The following SLC38A11 variants were observed in gnomAD, a reference collection of about 807,000 sequenced individuals.
The protein encoded by SLC38A11 is solute carrier family 38 member 11.
In SLC38A11, 51 loss-of-function variants were observed where a neutral mutation model predicts 49.4. The ratio of observed to expected loss-of-function variants is 1.03; its 90% CI spans 0.83 to 1.30. SLC38A11 has a LOEUF of 1.30. Ranked by LOEUF, SLC38A11 falls within the 50% of genes most tolerant of loss-of-function variation. SLC38A11 has a pLI of 0.00. For synonymous variants in SLC38A11, 203 were observed against 192.9 expected (o/e 1.05, Z -0.43); for missense variants, 574 against 556.2 (o/e 1.03, Z -0.32).
At chr2:164,952,838 A>G (rs2105523328) in intron 2 of SLC38A11, 57 bp from the exon 3 acceptor site, 1 of 1,301,414 alleles carries the variant, frequency 7.7e-7, no homozygotes, top group East Asian at 2.3e-5. Flanking sequence ...AGAAACACAG[A>G]AATTCCCCCC....
At chr2:164,920,142 C>T (rs373755277) in intron 7 of SLC38A11, among the ~76,000 whole-genome samples, 7 of 151,848 alleles carry the variant, frequency 4.6e-5, no homozygotes, top group South Asian at 4.2e-4. Context: ...GGTGTGGTGG[C>T]GTGGGCCTGT....
chr2:164,915,148 T>A lies in SLC38A11; in HGVS notation c.814A>T (p.Thr272Ser). The part of the protein sequence containing the change: ...ISVFICIFFA[T>S]CGYLTFTGFT... ...CCAGTAAATGTCAAGTATCCACATG[T>A]AGCAAAGAATATACAGATAAATACA... Residue 272 changes from threonine (T) to serine (S), a missense_variant, in exon 9 of 12, where the codon ACA becomes TCA. Transcript: ENST00000685975. The A allele has an allele frequency of 6.2e-7, 1 of 1,610,174 alleles. No homozygotes were observed. Among genetic ancestry groups the A allele is most frequent in the East Asian group, 2.2e-5 (1 of 44,804 alleles).
At chr2:164,919,075 G>T (rs748241376) in intron 7 of SLC38A11, among the ~76,000 whole-genome samples, 1 of 152,078 alleles carries the variant, frequency 6.6e-6, no homozygotes, top group African/African-American at 2.4e-5. Flanking sequence ...GATGGTTCAC[G>T]CCTGAAATCC....
At chr2:164,928,511 G>A (rs553239232) in intron 7 of SLC38A11, among the ~76,000 whole-genome samples, 42 of 152,120 alleles carry the variant, frequency 2.8e-4, no homozygotes, top group Admixed American at 5.2e-4. Context: ...CTGAGTAATG[G>A]GTATATAGTG....
chr2:164,931,881 A>T (rs1687030243), intron 7 of SLC38A11, among the ~76,000 whole-genome samples: 1 of 152,184 alleles, frequency 6.6e-6, no homozygotes, highest in Admixed American at 6.5e-5. Flanking sequence ...TTCATGACGA[A>T]AATGCCAAAG....
At position 164,897,509 on chromosome 2, in the gene SLC38A11, A is replaced by C. The variant is rs1176380003; in HGVS notation, c.*928T>G. Reference sequence around the variant, plus strand: ...TCCCCTCTCTCCCATTAGTTATGATAAACTCCATCTCACTATCTGCTCCCA... The same window carrying C: ...TCCCCTCTCTCCCATTAGTTATGATCAACTCCATCTCACTATCTGCTCCCA... On this transcript the variant is annotated 3_prime_UTR_variant, in exon 12 of 12. Coordinates refer to ENST00000685975, the MANE Select transcript of SLC38A11 (RefSeq NM_001351537.2). 2 of 152,186 alleles carry C rather than the reference A, an allele frequency of 1.3e-5. No individual in the cohort carries two copies. The highest frequency in any genetic ancestry group is 4.8e-5 in the African/African-American group (2 of 41,404). The allele number at this position is 152,186 out of a possible 1,614,324, so 9.4% of individuals were successfully genotyped here. A position where few individuals can be genotyped will look rare whatever the true frequency, so the allele number is the denominator to read the frequency against.
At chr2:164,932,979 T>C (rs13022981) in intron 7 of SLC38A11, among the ~76,000 whole-genome samples, 10,478 of 152,122 alleles carry the variant, frequency 0.069, 399 homozygotes, top group Admixed American at 0.1. Context: ...ATCCTTTTCT[T>C]AACCCCCTCT....
intron 7 of SLC38A11, among the ~76,000 whole-genome samples, chr2:164,932,299 T>C (rs901343501): frequency 1.3e-5 from 2 of 152,162 alleles, no homozygotes; most frequent in Admixed American, 6.6e-5. Flanking sequence ...GTAACACTTA[T>C]ACACCATTGG....
Position 164,945,669 on chromosome 2 carries a change from C to G in SLC38A11, c.288G>C (p.Gln96His). The G allele has an allele frequency of 6.2e-7, 1 of 1,611,460 alleles. No individual in the cohort carries two copies. The highest frequency in any genetic ancestry group is 8.5e-7 in the Non-Finnish European group (1 of 1,179,450). ...GGALSGTDTY[Q>H]SLVNKTFGFP... ...AGCCGAAAGTTTTATTGACCAAAGA[C>G]TGGTAGGTATCTGTTCCAGAGAGGG... The change falls in exon 4 of 12, where the codon CAG (glutamine) becomes CAC (histidine). Residue 96 changes from glutamine to histidine, a missense_variant. Coordinates refer to ENST00000685975, the MANE Select transcript of SLC38A11 (RefSeq NM_001351537.2).
intron 11 of SLC38A11, 91 bp from the exon 12 acceptor site, chr2:164,898,821 A>T: frequency 3.2e-6 from 4 of 1,269,520 alleles, no homozygotes; most frequent in Non-Finnish European, 2.2e-6. Flanking sequence ...TGTGTTTTTC[A>T]TGCACATGTT....
chr2:164,911,221 T>C (rs1365633308), intron 10 of SLC38A11, among the ~76,000 whole-genome samples: 3 of 152,100 alleles, frequency 2.0e-5, no homozygotes, highest in Non-Finnish European at 4.4e-5. Flanking sequence ...CTTTAATACA[T>C]GTTGACTGAT....
rs745346299 is a variant in SLC38A11, at chr2:164,908,860, T to C, written c.964-89A>G. 6 of 1,351,414 alleles carry C rather than the reference T, an allele frequency of 4.4e-6. No homozygotes were observed. The Admixed American group carries it at 9.7e-5, about 22-fold the overall frequency. The allele number at this position is 1,351,414 out of a possible 1,614,324, so 83.7% of individuals were successfully genotyped here. A position where few individuals can be genotyped will look rare whatever the true frequency, so the allele number is the denominator to read the frequency against. ...TATTTTACAATAGTATTTAGGAATA[T>C]ATAAAATACTACCAACAAGGCTATT... is the stretch of plus-strand genomic sequence containing the variant. On this transcript the variant is annotated intron_variant, in intron 10 of 11. Coordinates refer to ENST00000685975, the MANE Select transcript of SLC38A11 (RefSeq NM_001351537.2).
chr2:164,932,106 GACATGA>G (rs915903186), intron 7 of SLC38A11, among the ~76,000 whole-genome samples: 1 of 151,700 alleles, frequency 6.6e-6, no homozygotes, highest in Non-Finnish European at 1.5e-5. Context: ...GTAGGCAAAG[GACATGA>G]ACACTCTTCA....
chr2:164,912,631 AT>A (rs1685481303), intron 9 of SLC38A11, among the ~76,000 whole-genome samples: 1 of 152,058 alleles, frequency 6.6e-6, no homozygotes, highest in Admixed American at 6.6e-5. Context: ...TTCCAAACAT[AT>A]GTTACCTTTC....
Position 164,952,799 on chromosome 2 carries a change from G to T in SLC38A11, c.155-18C>A. The T allele has an allele frequency of 6.3e-7, 1 of 1,578,968 alleles. No individual in the cohort carries two copies. Among genetic ancestry groups the T allele is most frequent in the Non-Finnish European group, 8.6e-7 (1 of 1,163,776 alleles). On this transcript the variant is annotated intron_variant, in intron 2 of 11. Coordinates refer to ENST00000685975, the MANE Select transcript of SLC38A11 (RefSeq NM_001351537.2). ...AGGCAATCCTGAAAAAACATAAAATGCCCCACCCTTCACATTAACAAGAAA... is the reference window on the plus strand; with the variant it reads ...AGGCAATCCTGAAAAAACATAAAATTCCCCACCCTTCACATTAACAAGAAA...
Position 164,944,641 on chromosome 2 carries a change from A to G in SLC38A11, c.365-7T>C. ...ATATTGTAACTTATCATTGCTAAAAACATAATTAAAATAAGAGTCATCAAT... is the reference window on the plus strand; with the variant it reads ...ATATTGTAACTTATCATTGCTAAAAGCATAATTAAAATAAGAGTCATCAAT... On this transcript the variant is annotated splice_region_variant and splice_polypyrimidine_tract_variant and intron_variant, in intron 4 of 11. Coordinates refer to ENST00000685975, the MANE Select transcript of SLC38A11 (RefSeq NM_001351537.2). The G allele has an allele frequency of 8.4e-7, 1 of 1,191,336 alleles. No individual in the cohort carries two copies. Among genetic ancestry groups the G allele is most frequent in the Non-Finnish European group, 1.1e-6 (1 of 904,792 alleles). 73.8% of individuals were successfully genotyped at this position (1,191,336 alleles called of 1,614,324 possible).
At chr2:164,933,339 G>A (rs1025433531) in intron 7 of SLC38A11, among the ~76,000 whole-genome samples, 2 of 151,934 alleles carry the variant, frequency 1.3e-5, no homozygotes, top group Non-Finnish European at 2.9e-5. Context: ...TTTCTGAAAA[G>A]CAATTAAATT....
rs924426970 is a variant in SLC38A11, at chr2:164,913,115, A to G, written c.851-1367T>C. On this transcript the variant is annotated intron_variant, in intron 9 of 11. Transcript: ENST00000685975. ...ACTGTTTTTTTCATTACAAAGCTGA[A>G]TATCCTAAATAATTTGCCTCTTCCC... Among the ~76,000 whole-genome samples, 7 of 152,082 alleles carry G rather than the reference A, an allele frequency of 4.6e-5. No individual in the cohort carries two copies. In the South Asian group the frequency reaches 8.3e-4, roughly 18 times the overall value.
intron 11 of SLC38A11, among the ~76,000 whole-genome samples, chr2:164,907,125 C>T (rs1050118786): frequency 4.6e-5 from 7 of 152,188 alleles, no homozygotes; most frequent in South Asian, 4.1e-4. Context: ...TAGCAAATGA[C>T]ATCATTATTC....
Sources: allele counts gnomAD v4.1 joint callset (sites outside exome capture counted in the v4.1 genomes callset), GRCh38; gene constraint gnomAD v4.1.1; transcripts MANE v1.5; gene names NCBI Gene and HGNC (gene_info 2026-07-23, HGNC 2026-07-21).